The following KCTD16 variants were observed in gnomAD, a reference collection of about 807,000 sequenced individuals.
The protein encoded by KCTD16 is potassium channel tetramerization domain containing 16.
Under a neutral mutation model 33.2 loss-of-function variants are expected in KCTD16, and 13 were observed. The observed-to-expected ratio is 0.39, with a 90% CI of 0.25 to 0.62. The LOEUF is 0.62. Among genes scored for constraint, KCTD16 ranks in the 20% least tolerant of loss-of-function variants. KCTD16 has a pLI of 0.50. For synonymous variants in KCTD16, 197 were observed against 195.3 expected (o/e 1.01, Z -0.07); for missense variants, 441 against 525.1 (o/e 0.84, Z 1.57).
chr5:144,461,839 A>G (rs571529656), intron 3 of KCTD16, among the ~76,000 whole-genome samples: 1 of 152,300 alleles, frequency 6.6e-6, no homozygotes, highest in East Asian at 1.9e-4. Flanking sequence ...TGAATGTCTC[A>G]TACAATATTT....
intron 3 of KCTD16, among the ~76,000 whole-genome samples, chr5:144,221,709 C>A (rs140550676): frequency 6.6e-6 from 1 of 152,140 alleles, no homozygotes; most frequent in Non-Finnish European, 1.5e-5. Context: ...CTATTGTGAA[C>A]GGTACTGTAA....
At chr5:144,218,620 T>A (rs146967961) in intron 3 of KCTD16, among the ~76,000 whole-genome samples, 12 of 152,346 alleles carry the variant, frequency 7.9e-5, no homozygotes, top group African/African-American at 2.6e-4. Context: ...AATCAGAGTC[T>A]AAATGATAAC....
intron 3 of KCTD16, among the ~76,000 whole-genome samples, chr5:144,335,633 T>A (rs1230773027): frequency 6.6e-6 from 1 of 152,158 alleles, no homozygotes; most frequent in Non-Finnish European, 1.5e-5. Flanking sequence ...GGACAGGTGC[T>A]GAGTCCAGGG....
At chr5:144,194,829 C>T (rs10063147) in intron 2 of KCTD16, among the ~76,000 whole-genome samples, 43,216 of 152,018 alleles carry the variant, frequency 0.28, 7,497 homozygotes, top group African/African-American at 0.48. Context: ...TCTATTGCTT[C>T]TCTGTGCAAG....
chr5:144,305,251 G>T (rs1162322262), intron 3 of KCTD16, among the ~76,000 whole-genome samples: 2 of 152,070 alleles, frequency 1.3e-5, no homozygotes, highest in African/African-American at 4.8e-5. Context: ...GAGTTACTTG[G>T]TTCAATGTTG....
At chr5:144,183,786 A>C (rs758861977) in intron 2 of KCTD16, among the ~76,000 whole-genome samples, 1 of 152,226 alleles carries the variant, frequency 6.6e-6, no homozygotes, top group Non-Finnish European at 1.5e-5. Flanking sequence ...AATATTTGCT[A>C]TATGTTATAA....
chr5:144,401,975 G>A (rs894234642), intron 3 of KCTD16, among the ~76,000 whole-genome samples: 1 of 152,202 alleles, frequency 6.6e-6, no homozygotes, highest in African/African-American at 2.4e-5. Context: ...CCAAGGGGCT[G>A]TGTTAGGCTT....
intron 3 of KCTD16, among the ~76,000 whole-genome samples, chr5:144,472,983 G>A (rs1248853507): frequency 6.6e-6 from 1 of 152,148 alleles, no homozygotes; most frequent in African/African-American, 2.4e-5. Flanking sequence ...TACAAACTCT[G>A]GCAAGTTTCT....
intron 3 of KCTD16, chr5:144,439,481 T>C: frequency 3.9e-6 from 1 of 255,980 alleles, no homozygotes. Context: ...GTAAATGAAG[T>C]TGGCAAGTCA....
intron 3 of KCTD16, among the ~76,000 whole-genome samples, chr5:144,412,924 T>C (rs1430090942): frequency 6.6e-6 from 1 of 152,200 alleles, no homozygotes; most frequent in East Asian, 1.9e-4. Flanking sequence ...ATGTTTGATC[T>C]ATCAGTAGGG....
intron 3 of KCTD16, among the ~76,000 whole-genome samples, chr5:144,336,873 C>A (rs244537): frequency 0.25 from 38,180 of 151,774 alleles, 4,950 homozygotes; most frequent in Non-Finnish European, 0.28. Flanking sequence ...ATGAAACTAC[C>A]TGGAAGGTTG....
At chr5:144,448,705 T>A (rs527321895) in intron 3 of KCTD16, among the ~76,000 whole-genome samples, 1 of 152,174 alleles carries the variant, frequency 6.6e-6, no homozygotes, top group African/African-American at 2.4e-5. Flanking sequence ...AAATCATGAT[T>A]CCAAAGGCTA....
At chr5:144,192,570 G>C (rs1752864263) in intron 2 of KCTD16, among the ~76,000 whole-genome samples, 1 of 152,084 alleles carries the variant, frequency 6.6e-6, no homozygotes, top group Non-Finnish European at 1.5e-5. Context: ...CTAGTTCCTA[G>C]AGCTTTCCTA....
At chr5:144,211,901 T>C (rs1753407170) in intron 3 of KCTD16, among the ~76,000 whole-genome samples, 1 of 152,150 alleles carries the variant, frequency 6.6e-6, no homozygotes, top group Non-Finnish European at 1.5e-5. Context: ...ATGTCTGCTC[T>C]CCAGTTCTTT....
intron 3 of KCTD16, among the ~76,000 whole-genome samples, chr5:144,256,300 G>A (rs1279741427): frequency 6.6e-6 from 1 of 152,090 alleles, no homozygotes; most frequent in African/African-American, 2.4e-5. Context: ...TCTATTATTT[G>A]GAGTCTAAAA....
chr5:144,179,326 A>T (rs1752570688), intron 2 of KCTD16, among the ~76,000 whole-genome samples: 1 of 152,150 alleles, frequency 6.6e-6, no homozygotes, highest in Non-Finnish European at 1.5e-5. Flanking sequence ...AGCTGGTAAA[A>T]TTATTCAAAG....
chr5:144,478,068 T>C lies in KCTD16; in HGVS notation c.*3954T>C, dbSNP rs1754632026. On this transcript the variant is annotated 3_prime_UTR_variant, in exon 4 of 4. Transcript: ENST00000512467. ...TAGCATGGGCCATTTCTCTCTTTAA[T>C]GTCTTGGTATTGTTGGTGTCTTGCA... 1 of 152,082 alleles carries C rather than the reference T, an allele frequency of 6.6e-6. No homozygotes were observed. The highest frequency in any genetic ancestry group is 6.6e-5 in the Admixed American group (1 of 15,250). The allele number at this position is 152,082 out of a possible 1,614,324, so 9.4% of individuals were successfully genotyped here.
intron 3 of KCTD16, among the ~76,000 whole-genome samples, chr5:144,352,877 C>G (rs1751477440): frequency 6.6e-6 from 1 of 152,188 alleles, no homozygotes; most frequent in South Asian, 2.1e-4. Flanking sequence ...ATATCTTCGG[C>G]TCTGCTGATA....
At chr5:144,246,736 T>C (rs1424302540) in intron 3 of KCTD16, among the ~76,000 whole-genome samples, 2 of 152,122 alleles carry the variant, frequency 1.3e-5, no homozygotes, top group Non-Finnish European at 2.9e-5. Context: ...TTGATCTCCT[T>C]CTCCTCCTCC....
Sources: allele counts gnomAD v4.1 joint callset (sites outside exome capture counted in the v4.1 genomes callset), GRCh38; gene constraint gnomAD v4.1.1; transcripts MANE v1.5; gene names NCBI Gene and HGNC (gene_info 2026-07-23, HGNC 2026-07-21).